Variants in KDM2A observed in about 807,000 individuals in gnomAD.
KDM2A encodes the protein lysine demethylase 2A.
A neutral mutation model predicts 137.3 loss-of-function variants in KDM2A; 3 were observed. The observed-to-expected ratio is 0.02, with a 90% CI of 0.01 to 0.06. The LOEUF is 0.06. KDM2A is among the 10% of genes least tolerant of loss of function. The probability of loss-of-function intolerance (pLI) is 1.00; values close to 1 mark genes in which losing one functional copy is unlikely to be tolerated. For missense variants in KDM2A, 738 were observed against 1,510.6 expected (o/e 0.49, Z 8.48); for synonymous variants, 512 against 541.5 (o/e 0.95, Z 0.76).
At chr11:67,132,155 A>C (rs1423701273) in intron 2 of KDM2A, 1 of 152,230 alleles carries the variant, frequency 6.6e-6, no homozygotes, top group South Asian at 2.1e-4. Context: ...TATAAGGCCT[A>C]TTCTGTGGAT....
At chr11:67,165,323 TGCTGGTCAG>T (rs1393123714) in intron 2 of KDM2A, among the ~76,000 whole-genome samples, 3 of 152,040 alleles carry the variant, frequency 2.0e-5, no homozygotes, top group Non-Finnish European at 4.4e-5. Context: ...GGTTTCTCCA[TGCTGGTCAG>T]GCTGGTCTTG....
At chr11:67,123,406 T>G (rs1470649121) in intron 2 of KDM2A, among the ~76,000 whole-genome samples, 1 of 151,868 alleles carries the variant, frequency 6.6e-6, no homozygotes, top group African/African-American at 2.4e-5. Flanking sequence ...AGTTCATGTG[T>G]TGAGATTATA....
chr11:67,254,480 T>G lies in KDM2A; in HGVS notation c.3307+62T>G, dbSNP rs1363163373. ...CCTGCCTCCAGCCCTCCCTGGAACT[T>G]GATCAGTAAACCAGAATGACCTTGG... On this transcript the variant is annotated intron_variant, in intron 20 of 20. Coordinates refer to ENST00000529006, the MANE Select transcript of KDM2A (RefSeq NM_012308.3). This position sits in a 1 kb window ranked among gnomAD's most constrained non-coding sequence, Gnocchi z 4.7. The G allele has an allele frequency of 7.0e-7, 1 of 1,420,864 alleles. No homozygotes were observed. The highest frequency in any genetic ancestry group is 9.9e-7 in the Non-Finnish European group (1 of 1,009,454). The allele number at this position is 1,420,864 out of a possible 1,614,324, so 88.0% of individuals were successfully genotyped here.
chr11:67,215,194 C>T (rs1590793633), intron 6 of KDM2A, 146 bp from the exon 7 acceptor site: 6 of 531,508 alleles, frequency 1.1e-5, no homozygotes, highest in Admixed American at 6.1e-5. Context: ...TCCTAAGATT[C>T]GCCAACAGAT....
intron 10 of KDM2A, among the ~76,000 whole-genome samples, chr11:67,220,369 G>A (rs1858309850): frequency 6.6e-6 from 1 of 152,088 alleles, no homozygotes; most frequent in Non-Finnish European, 1.5e-5. Context: ...TGAGCCATGT[G>A]TTTCATTTTT....
intron 2 of KDM2A, among the ~76,000 whole-genome samples, chr11:67,148,137 G>A (rs941414643): frequency 6.6e-6 from 1 of 151,970 alleles, no homozygotes; most frequent in Admixed American, 6.6e-5. Context: ...GAAAACTTTG[G>A]GGCTGGGTGC....
chr11:67,254,869 G>A lies in KDM2A; in HGVS notation c.3308-5G>A, dbSNP rs1265868465. On this transcript the variant is annotated splice_region_variant and splice_polypyrimidine_tract_variant and intron_variant, in intron 20 of 20. Coordinates refer to ENST00000529006, the MANE Select transcript of KDM2A (RefSeq NM_012308.3). This position sits in a 1 kb window ranked among gnomAD's most constrained non-coding sequence, Gnocchi z 4.7. ...GCACTGTCATTATGTCCACTTTCCCGACAGGTTGCAATAAATTGACAGACC... is the reference window on the plus strand; with the variant it reads ...GCACTGTCATTATGTCCACTTTCCCAACAGGTTGCAATAAATTGACAGACC... The A allele has an allele frequency of 3.0e-5, 49 of 1,613,072 alleles. No individual in the cohort carries two copies. Among genetic ancestry groups the A allele is most frequent in the Non-Finnish European group, 3.8e-5 (45 of 1,179,306 alleles).
At chr11:67,172,371 G>A (rs897696850) in intron 2 of KDM2A, among the ~76,000 whole-genome samples, 4 of 152,138 alleles carry the variant, frequency 2.6e-5, no homozygotes, top group African/African-American at 9.7e-5. Context: ...ATAAATTTGG[G>A]AGAGTATTGC....
chr11:67,173,657 A>G (rs899368870), intron 2 of KDM2A, among the ~76,000 whole-genome samples: 2 of 151,914 alleles, frequency 1.3e-5, no homozygotes, highest in African/African-American at 4.8e-5. Context: ...CCAGAGTGCT[A>G]AGATTACAGG....
chr11:67,119,643 G>A lies in KDM2A; in HGVS notation c.-490G>A, dbSNP rs1175215206. ...GTTCCGGGGGGCCGGGGCGGCGCGG[G>A]GAGCCTCGGGCCGGCCGGTCTCAGC... On this transcript the variant is annotated 5_prime_UTR_variant, in exon 1 of 21. Coordinates refer to ENST00000529006, the MANE Select transcript of KDM2A (RefSeq NM_012308.3). 1.3e-5 allele frequency: 2 copies of A among 149,018 alleles called. No individual in the cohort carries two copies. The highest frequency in any genetic ancestry group is 3.9e-4 in the East Asian group (2 of 5,108). The allele number at this position is 149,018 out of a possible 1,614,324, so 9.2% of individuals were successfully genotyped here. A position where few individuals can be genotyped will look rare whatever the true frequency, so the allele number is the denominator to read the frequency against.
intron 9 of KDM2A, among the ~76,000 whole-genome samples, 182 bp downstream of exon 9, chr11:67,218,066 A>G (rs1380262322): frequency 6.6e-6 from 1 of 152,172 alleles, no homozygotes. Context: ...TTGAAAAGGC[A>G]GTGGTTTTCC....
chr11:67,217,907 G>A (rs1470494557), intron 9 of KDM2A, 23 bp downstream of exon 9: 1 of 1,558,018 alleles, frequency 6.4e-7, no homozygotes, highest in Non-Finnish European at 8.7e-7. Flanking sequence ...GGAAGAGTGG[G>A]TTATTTAGCC....
chr11:67,158,424 A>G (rs913838963), intron 2 of KDM2A, among the ~76,000 whole-genome samples: 8 of 152,180 alleles, frequency 5.3e-5, no homozygotes, highest in African/African-American at 1.2e-4. Flanking sequence ...TGAGTTTTCA[A>G]TTCATTGAGT....
At position 67,231,936 on chromosome 11, in the gene KDM2A, A is replaced by G. The variant is rs952402997; in HGVS notation, c.1455A>G (p.Glu485=). ...GTGTCCCCACAGGGATAGAAGATGA[A>G]GATGCTCTCATTGCTGATGTAAAGG... ...KKCVPTGIED[E]DALIADVKIL... is the part of the protein sequence containing the mutation. The change falls in exon 12 of 21, where the codon GAA becomes GAG. Residue 485 remains glutamate (E), a synonymous_variant. Transcript: ENST00000529006. The G allele has an allele frequency of 6.2e-7, 1 of 1,613,516 alleles. No homozygotes were observed. Among genetic ancestry groups the G allele is most frequent in the Non-Finnish European group, 8.5e-7 (1 of 1,179,602 alleles).
chr11:67,213,077 G>A (rs1253914159), intron 6 of KDM2A, among the ~76,000 whole-genome samples: 1 of 152,292 alleles, frequency 6.6e-6, no homozygotes, highest in Admixed American at 6.5e-5. Context: ...AACCTTAACC[G>A]TTGCTCCTCA....
intron 1 of KDM2A, among the ~76,000 whole-genome samples, chr11:67,120,558 A>G (rs1029466342): frequency 1.3e-5 from 2 of 152,052 alleles, no homozygotes; most frequent in Non-Finnish European, 2.9e-5. Flanking sequence ...GCAATCGTTT[A>G]TTTTATTACT....
rs561357363 is a variant in KDM2A at position 67,218,861 on chromosome 11, A to G, written c.842-427A>G. ...CCTGACCTCGTGATCCACCCGCCTC[A>G]GCCTCCCAGAGTGCTGGGATTATAG... On this transcript the variant is annotated intron_variant, in intron 9 of 20. Coordinates refer to ENST00000529006, the MANE Select transcript of KDM2A (RefSeq NM_012308.3). Among the ~76,000 whole-genome samples the G allele has an allele frequency of 1.4e-4, 22 of 152,292 alleles. No homozygotes were observed. In the South Asian group the frequency reaches 4.6e-3, roughly 32 times the overall value.
In KDM2A at chr11:67,257,754, ATGT is replaced by A. The variant is rs1408600532; in HGVS notation, c.*2703_*2705del. On this transcript the variant is annotated 3_prime_UTR_variant, in exon 21 of 21. Coordinates refer to ENST00000529006, the MANE Select transcript of KDM2A (RefSeq NM_012308.3). Reference sequence around the variant, plus strand: ...GTTGCTGATTTAGAGTCAATCTCCAATGTTGTGCTAAAAAGTTTAAATTAAATG... The same window carrying A: ...GTTGCTGATTTAGAGTCAATCTCCAATGTGCTAAAAAGTTTAAATTAAATG... 6.6e-6 allele frequency: 1 copy of A among 152,090 alleles called. No individual in the cohort carries two copies. Among genetic ancestry groups the A allele is most frequent in the Non-Finnish European group, 1.5e-5 (1 of 68,036 alleles). The allele number at this position is 152,090 out of a possible 1,614,324, so 9.4% of individuals were successfully genotyped here. A position where few individuals can be genotyped will look rare whatever the true frequency, so the allele number is the denominator to read the frequency against.
In KDM2A at chr11:67,248,385, T is replaced by C. The variant is rs1332520584; in HGVS notation, c.2055+15T>C. ...AGAAAGCCCAGGTAAAGGAACCTTA[T>C]CAGATTTGCACTGTGACAGAAAGGA... On this transcript the variant is annotated intron_variant, in intron 16 of 20. Coordinates refer to ENST00000529006, the MANE Select transcript of KDM2A (RefSeq NM_012308.3). 2 of 1,571,250 alleles carry C rather than the reference T, an allele frequency of 1.3e-6. No individual in the cohort carries two copies. Among genetic ancestry groups the C allele is most frequent in the African/African-American group, 1.3e-5 (1 of 74,106 alleles).
Sources: allele counts gnomAD v4.1 joint callset (sites outside exome capture counted in the v4.1 genomes callset), GRCh38; gene constraint gnomAD v4.1.1; non-coding constraint Gnocchi (gnomAD v3.1); transcripts MANE v1.5; gene names NCBI Gene and HGNC (gene_info 2026-07-23, HGNC 2026-07-21).